PDE4D: variants seen among roughly 807,000 people sequenced by gnomAD.
PDE4D encodes 3',5'-cyclic-AMP phosphodiesterase 4D.
In PDE4D, 24 loss-of-function variants were observed where a neutral mutation model predicts 87.4. That is an observed-to-expected ratio of 0.27 (90% confidence interval 0.20 to 0.39). The LOEUF (loss-of-function observed/expected upper bound fraction) is 0.39. Ranked by LOEUF, PDE4D falls within the 10% of genes least tolerant of loss-of-function variation. The pLI, the probability that PDE4D is intolerant of heterozygous loss-of-function variation, is 1.00. For synonymous variants in PDE4D, 384 were observed against 383.2 expected (o/e 1.00, Z -0.02); for missense variants, 714 against 1,041.0 (o/e 0.69, Z 4.32).
chr5:59,436,237 C>T (rs1369462565), intron 1 of PDE4D, among the ~76,000 whole-genome samples: 1 of 151,994 alleles, frequency 6.6e-6, no homozygotes, highest in Non-Finnish European at 1.5e-5. Flanking sequence ...AATAACAGTG[C>T]AAATGAAGAT....
chr5:59,362,454 T>C (rs901979440), intron 1 of PDE4D, among the ~76,000 whole-genome samples: 1 of 152,124 alleles, frequency 6.6e-6, no homozygotes, highest in Non-Finnish European at 1.5e-5. Flanking sequence ...TATGAAGAAA[T>C]GTTAATGTTT....
chr5:59,023,806 G>A (rs1755685249), intron 6 of PDE4D, among the ~76,000 whole-genome samples: 1 of 151,932 alleles, frequency 6.6e-6, no homozygotes, highest in Non-Finnish European at 1.5e-5. Context: ...CCAATGAGTT[G>A]TAGTCAGATT....
intron 1 of PDE4D, among the ~76,000 whole-genome samples, chr5:59,360,204 A>T (rs1049030018): frequency 6.6e-6 from 1 of 152,202 alleles, no homozygotes; most frequent in African/African-American, 2.4e-5. Context: ...TAATCCACAT[A>T]GGCATTCAAT....
intron 1 of PDE4D, among the ~76,000 whole-genome samples, chr5:59,397,131 G>A (rs1789573364): frequency 8.1e-6 from 1 of 122,888 alleles, no homozygotes; most frequent in Non-Finnish European, 1.7e-5. Context: ...ATTAATAATG[G>A]GAGACTTTAA....
At chr5:60,190,224 G>T (rs1048188028) in intron 1 of PDE4D, among the ~76,000 whole-genome samples, 2 of 152,180 alleles carry the variant, frequency 1.3e-5, no homozygotes, top group Non-Finnish European at 2.9e-5. Flanking sequence ...TACAAGGATG[G>T]AATAACAGAT....
At chr5:60,036,522 T>C (rs987452558) in intron 2 of PDE4D, among the ~76,000 whole-genome samples, 8 of 152,188 alleles carry the variant, frequency 5.3e-5, no homozygotes, top group African/African-American at 1.9e-4. Flanking sequence ...TTATTCAACT[T>C]TCTCTGCAAA....
At chr5:60,183,289 ACT>A (rs1784522086) in intron 2 of PDE4D, among the ~76,000 whole-genome samples, 1 of 152,172 alleles carries the variant, frequency 6.6e-6, no homozygotes, top group Non-Finnish European at 1.5e-5. Context: ...TGATTAATAT[ACT>A]CTGTTTGCCC....
chr5:60,064,597 T>G (rs577670573), intron 2 of PDE4D, among the ~76,000 whole-genome samples: 1 of 152,282 alleles, frequency 6.6e-6, no homozygotes, highest in East Asian at 1.9e-4. Flanking sequence ...CTTGTTCATT[T>G]GACTGACACT....
At chr5:60,506,596 AT>A (rs950370525) in intron 1 of PDE4D, among the ~76,000 whole-genome samples, 9 of 151,560 alleles carry the variant, frequency 5.9e-5, no homozygotes, top group African/African-American at 1.5e-4. Flanking sequence ...AGAATTTAGT[AT>A]TTTTTTTTAA....
chr5:59,910,870 C>A (rs1163906773), intron 3 of PDE4D, among the ~76,000 whole-genome samples: 1 of 152,136 alleles, frequency 6.6e-6, no homozygotes, highest in Non-Finnish European at 1.5e-5. Flanking sequence ...TTAGGATCCA[C>A]AAAACAGACT....
chr5:59,520,912 T>TTG (rs1249125162), intron 1 of PDE4D, among the ~76,000 whole-genome samples: 9 of 150,622 alleles, frequency 6.0e-5, no homozygotes, highest in Admixed American at 5.9e-4. Context: ...TATATACACG[T>TTG]TGTGTGTGTG....
At chr5:59,626,556 T>C (rs1278677183) in intron 1 of PDE4D, among the ~76,000 whole-genome samples, 1 of 152,204 alleles carries the variant, frequency 6.6e-6, no homozygotes, top group Non-Finnish European at 1.5e-5. Flanking sequence ...TTTACAAAAA[T>C]GGAAAGCTTT....
At chr5:59,472,721 G>A (rs1802638461) in intron 1 of PDE4D, among the ~76,000 whole-genome samples, 1 of 151,928 alleles carries the variant, frequency 6.6e-6, no homozygotes, top group Non-Finnish European at 1.5e-5. Context: ...ACATACTAAT[G>A]CCTACCCAAA....
chr5:59,797,561 C>A (rs1394001108), intron 1 of PDE4D, among the ~76,000 whole-genome samples: 1 of 152,260 alleles, frequency 6.6e-6, no homozygotes, highest in Non-Finnish European at 1.5e-5. Flanking sequence ...CACTCTTTAA[C>A]TGTAGAGAAT....
At chr5:60,456,132 T>C (rs1746450313) in intron 1 of PDE4D, among the ~76,000 whole-genome samples, 1 of 152,188 alleles carries the variant, frequency 6.6e-6, no homozygotes, top group African/African-American at 2.4e-5. Context: ...CTTCGGGAGA[T>C]GAGAACTCAA....
intron 1 of PDE4D, among the ~76,000 whole-genome samples, chr5:59,266,729 A>T (rs1762920486): frequency 6.6e-6 from 1 of 152,048 alleles, no homozygotes; most frequent in Non-Finnish European, 1.5e-5. Flanking sequence ...TAAAAGAAGA[A>T]ACTTGAACAG....
chr5:60,453,141 A>G (rs1259882990), intron 1 of PDE4D, among the ~76,000 whole-genome samples: 1 of 152,114 alleles, frequency 6.6e-6, no homozygotes, highest in Non-Finnish European at 1.5e-5. Flanking sequence ...TTATAATCCA[A>G]TTTTGAGAAA....
Position 59,179,170 on chromosome 5 carries a change from G to A in PDE4D, c.808+1425C>T, listed in dbSNP as rs372305254. ...TGCCCAGGCTGGAGTGCAGTGGCGC[G>A]ATCTCGGCTCACTGCAACCTCTGCC... is the stretch of plus-strand genomic sequence containing the variant. On this transcript the variant is annotated intron_variant, in intron 5 of 14. Transcript: ENST00000340635. 6.6e-5 allele frequency among the ~76,000 whole-genome samples: 10 copies of A among 152,248 alleles called. 1 individual carries two copies. The South Asian group carries it at 8.3e-4, about 13-fold the overall frequency.
chr5:59,418,217 C>T (rs1379561002), intron 1 of PDE4D, among the ~76,000 whole-genome samples: 4 of 152,142 alleles, frequency 2.6e-5, no homozygotes, highest in Admixed American at 1.3e-4. Context: ...TTTAATAGCT[C>T]ACCTTAGTTT....
Sources: allele counts gnomAD v4.1 joint callset (sites outside exome capture counted in the v4.1 genomes callset), GRCh38; gene constraint gnomAD v4.1.1; transcripts MANE v1.5; gene names NCBI Gene and HGNC (gene_info 2026-07-23, HGNC 2026-07-21).